RTTN: variants seen among roughly 807,000 people sequenced by gnomAD.
RTTN encodes rotatin.
Under a neutral mutation model 269.2 loss-of-function variants are expected in RTTN, and 182 were observed. The ratio of observed to expected loss-of-function variants is 0.68; its 90% CI spans 0.60 to 0.76. The LOEUF (loss-of-function observed/expected upper bound fraction) is 0.76, where lower values mean the gene tolerates loss of function less well. RTTN is among the 30% of genes least tolerant of loss of function. RTTN has a pLI of 0.00. For missense variants in RTTN, 2,545 were observed against 2,608.6 expected (o/e 0.98, Z 0.53); for synonymous variants, 1,006 against 963.5 (o/e 1.04, Z -0.82).
Position 70,160,842 on chromosome 18 carries a change from T to C in RTTN, c.1929+5220A>G, listed in dbSNP as rs114985826. On this transcript the variant is annotated intron_variant, in intron 14 of 48. Transcript: ENST00000640769. ...AGAATTGTAAAACACTGCAGAAAGA[T>C]ATCAGAGATGACACAAATGGAAAAA... Among the ~76,000 whole-genome samples, 770 of 151,818 alleles carry C rather than the reference T, an allele frequency of 5.1e-3. 5 individuals are homozygous for C. The highest frequency in any genetic ancestry group is 0.017 in the African/African-American group (720 of 41,462).
At chr18:70,115,178 A>C (rs1489048157) in intron 26 of RTTN, among the ~76,000 whole-genome samples, 3 of 152,022 alleles carry the variant, frequency 2.0e-5, no homozygotes, top group African/African-American at 7.2e-5. Flanking sequence ...CTAAATCAAA[A>C]TATTATAGTA....
intron 10 of RTTN, among the ~76,000 whole-genome samples, chr18:70,186,343 C>T (rs2061546573): frequency 6.6e-6 from 1 of 152,198 alleles, no homozygotes; most frequent in Admixed American, 6.5e-5. Context: ...CATGCCATTT[C>T]ACTAAATGCT....
intron 28 of RTTN, among the ~76,000 whole-genome samples, chr18:70,106,672 C>T (rs974605405): frequency 6.6e-6 from 1 of 150,388 alleles, no homozygotes; most frequent in Non-Finnish European, 1.5e-5. Flanking sequence ...TCTCTAAATG[C>T]AAAATATTGA....
intron 11 of RTTN, among the ~76,000 whole-genome samples, chr18:70,169,947 A>C (rs1184836295): frequency 6.6e-6 from 1 of 152,190 alleles, no homozygotes; most frequent in Non-Finnish European, 1.5e-5. Flanking sequence ...AACTACCTGA[A>C]AGTCTAAGAG....
intron 14 of RTTN, among the ~76,000 whole-genome samples, chr18:70,155,607 T>C (rs1172694181): frequency 2.0e-5 from 3 of 152,108 alleles, no homozygotes; most frequent in East Asian, 3.9e-4. Context: ...GACCTTTGAG[T>C]TGCAAGGGAG....
At chr18:70,170,531 G>A (rs2061111642) in intron 11 of RTTN, among the ~76,000 whole-genome samples, 1 of 152,292 alleles carries the variant, frequency 6.6e-6, no homozygotes, top group East Asian at 1.9e-4. Flanking sequence ...GCTATCTGAG[G>A]GAAAGCATTT....
At chr18:70,106,274 G>A (rs1022059730) in intron 28 of RTTN, among the ~76,000 whole-genome samples, 2 of 152,184 alleles carry the variant, frequency 1.3e-5, no homozygotes, top group Non-Finnish European at 2.9e-5. Flanking sequence ...GGGCTCAGGA[G>A]GTTGAGGCTG....
chr18:70,112,305 A>G (rs1004368163), intron 27 of RTTN, among the ~76,000 whole-genome samples: 2 of 152,116 alleles, frequency 1.3e-5, no homozygotes, highest in Non-Finnish European at 2.9e-5. Flanking sequence ...ACACATAACA[A>G]TATTAACCTT....
chr18:70,046,577 TA>T (rs1328976117), intron 40 of RTTN, among the ~76,000 whole-genome samples: 1 of 152,160 alleles, frequency 6.6e-6, no homozygotes, highest in Non-Finnish European at 1.5e-5. Context: ...CATTGGGAAA[TA>T]AAGTCTGTTG....
At chr18:70,133,744 C>T (rs1451085001) in intron 23 of RTTN, among the ~76,000 whole-genome samples, 3 of 151,996 alleles carry the variant, frequency 2.0e-5, no homozygotes, top group African/African-American at 7.2e-5. Flanking sequence ...AAAGGGTTTC[C>T]GGTCTGTCAG....
intron 31 of RTTN, 35 bp from the exon 32 acceptor site, chr18:70,086,719 A>AGGG: frequency 1.9e-6 from 1 of 539,570 alleles, no homozygotes; most frequent in Non-Finnish European, 2.9e-6. Flanking sequence ...AAAAAAAAAA[A>AGGG]AAAAAAAAAA....
chr18:70,093,665 G>T (rs1356591802), intron 28 of RTTN, among the ~76,000 whole-genome samples: 6 of 152,194 alleles, frequency 3.9e-5, no homozygotes, highest in Admixed American at 3.9e-4. Flanking sequence ...CTTGATCATG[G>T]TGGATAAGCT....
At chr18:70,145,071 T>C (rs2060354130) in intron 18 of RTTN, among the ~76,000 whole-genome samples, 1 of 152,192 alleles carries the variant, frequency 6.6e-6, no homozygotes, top group South Asian at 2.1e-4. Context: ...TCCTGTCAGA[T>C]CAGTGGCGGC....
intron 34 of RTTN, among the ~76,000 whole-genome samples, chr18:70,067,944 G>C (rs1481543850): frequency 6.6e-6 from 1 of 152,200 alleles, no homozygotes; most frequent in African/African-American, 2.4e-5. Flanking sequence ...GATGCTTTTA[G>C]AAAGTACCTT....
In RTTN at chr18:70,080,928, T is replaced by TCACACA. The variant is rs138851066; in HGVS notation, c.4375-5393_4375-5388dup. On this transcript the variant is annotated intron_variant, in intron 32 of 48. Coordinates refer to ENST00000640769, the MANE Select transcript of RTTN (RefSeq NM_173630.4). ...AGTGGATAAACTGGTGTGTGTGGTA[T>TCACACA]CACACACACACACACACACACACAC... Among the ~76,000 whole-genome samples the TCACACA allele has an allele frequency of 7.7e-3, 1,136 of 146,862 alleles. 5 individuals are homozygous for TCACACA. Among genetic ancestry groups the TCACACA allele is most frequent in the Middle Eastern group, 0.024 (7 of 290 alleles).
rs12954578 is a variant in RTTN at position 70,139,476 on chromosome 18, G to A, written c.2788+123C>T. On this transcript the variant is annotated intron_variant, in intron 21 of 48. Coordinates refer to ENST00000640769, the MANE Select transcript of RTTN (RefSeq NM_173630.4). Reference sequence around the variant, plus strand: ...AACATTTTCCATTTACATTAGTAGTGTATTCACTAATAAATGCTGTTGTTC... The same window carrying A: ...AACATTTTCCATTTACATTAGTAGTATATTCACTAATAAATGCTGTTGTTC... 1,202 of 637,184 alleles carry A rather than the reference G, an allele frequency of 1.9e-3. 4 individuals carry two copies. The highest frequency in any genetic ancestry group is 2.6e-3 in the Non-Finnish European group (930 of 360,600). The allele number at this position is 637,184 out of a possible 1,614,324, so 39.5% of individuals were successfully genotyped here. A position where few individuals can be genotyped will look rare whatever the true frequency, so the allele number is the denominator to read the frequency against.
At chr18:70,071,929 T>G (rs1443368542) in intron 34 of RTTN, among the ~76,000 whole-genome samples, 1 of 152,170 alleles carries the variant, frequency 6.6e-6, no homozygotes, top group African/African-American at 2.4e-5. Flanking sequence ...AACAAAGATA[T>G]AAATAAGCAG....
intron 14 of RTTN, among the ~76,000 whole-genome samples, chr18:70,153,786 G>T (rs1262969621): frequency 1.3e-5 from 2 of 152,068 alleles, no homozygotes; most frequent in East Asian, 3.9e-4. Flanking sequence ...TGACACAGGG[G>T]CTAACTACAA....
At chr18:70,087,143 T>C (rs1039317953) in intron 31 of RTTN, among the ~76,000 whole-genome samples, 1 of 151,938 alleles carries the variant, frequency 6.6e-6, no homozygotes, top group African/African-American at 2.4e-5. Flanking sequence ...ACTTGCTAAC[T>C]AGAAATACAA....
Sources: gnomAD v4.1 joint callset for allele counts (sites outside exome capture counted in the v4.1 genomes callset) on GRCh38, gnomAD v4.1.1 for gene constraint, MANE v1.5 for transcripts, NCBI Gene and HGNC (gene_info 2026-07-23, HGNC 2026-07-21) for gene names.